The following ACYP2 variants were observed in gnomAD, a reference collection of about 807,000 sequenced individuals.
ACYP2 encodes acylphosphatase 2.
A neutral mutation model predicts 11.2 loss-of-function variants in ACYP2; 12 were observed. The ratio of observed to expected loss-of-function variants is 1.08; its 90% CI spans 0.69 to 1.74. The LOEUF is 1.74. ACYP2 is among the 40% of genes most tolerant of loss of function. ACYP2 has a pLI of 0.00. For synonymous variants in ACYP2, 43 were observed against 32.2 expected, an observed-to-expected ratio of 1.33 and a Z score of -1.13; for missense variants, 134 against 101.9, an observed-to-expected ratio of 1.31 and a Z score of -1.35.
chr2:54,178,828 C>G (rs1258452314), intron 6 of ACYP2, among the ~76,000 whole-genome samples: 1 of 152,188 alleles, frequency 6.6e-6, no homozygotes, highest in Non-Finnish European at 1.5e-5. Flanking sequence ...TAACCATGAA[C>G]TTTTCAGTTC....
intron 4 of ACYP2, among the ~76,000 whole-genome samples, chr2:54,058,666 A>C (rs183644320): frequency 6.9e-4 from 105 of 151,872 alleles, no homozygotes; most frequent in Middle Eastern, 6.9e-3. Flanking sequence ...CAGTTAAGAC[A>C]GGTTTACTTT....
intron 6 of ACYP2, among the ~76,000 whole-genome samples, chr2:54,288,890 G>A (rs1689190509): frequency 6.6e-6 from 1 of 151,948 alleles, no homozygotes; most frequent in African/African-American, 2.4e-5. Context: ...CCCAATCTCA[G>A]GGAGTCCAGT....
Position 54,290,104 on chromosome 2 carries a change from G to C in ACYP2, c.405-14584G>C, listed in dbSNP as rs376200062. ...AATTGCATCAGGCTGTCAGGGCTTC[G>C]CTTTATGAATTTCCCTTTGAGGACT... On this transcript the variant is annotated intron_variant, in intron 6 of 6. Transcript: ENST00000607452. 9.9e-5 allele frequency among the ~76,000 whole-genome samples: 15 copies of C among 152,116 alleles called. No homozygotes were observed. In the East Asian group the frequency reaches 1.9e-3, roughly 20 times the overall value.
intron 4 of ACYP2, among the ~76,000 whole-genome samples, chr2:54,081,641 C>T (rs140305709): frequency 4.2e-4 from 64 of 152,322 alleles, no homozygotes; most frequent in Non-Finnish European, 8.5e-4. Context: ...ACATTTCCAA[C>T]GTTAAGGCTA....
Position 54,215,832 on chromosome 2 carries a change from T to C in ACYP2, c.404+77084T>C, listed in dbSNP as rs186255014. On this transcript the variant is annotated intron_variant, in intron 6 of 6. Coordinates refer to ENST00000607452, the MANE Select transcript of ACYP2 (RefSeq NM_001320586.2). Reference sequence around the variant, plus strand: ...AATAAATAAATGTATTTAATAAAGCTTATACTGATGAAAATTAGGTCATTT... The same window carrying C: ...AATAAATAAATGTATTTAATAAAGCCTATACTGATGAAAATTAGGTCATTT... Among the ~76,000 whole-genome samples, 7 of 152,284 alleles carry C rather than the reference T, an allele frequency of 4.6e-5. No individual in the cohort carries two copies. The East Asian group carries it at 1.3e-3, about 29-fold the overall frequency.
intron 6 of ACYP2, among the ~76,000 whole-genome samples, chr2:54,266,463 C>A (rs1319615429): frequency 1.3e-5 from 2 of 151,890 alleles, no homozygotes; most frequent in African/African-American, 4.8e-5. Flanking sequence ...CTTATCACAA[C>A]ACCCTATAAA....
intron 2 of ACYP2, among the ~76,000 whole-genome samples, chr2:54,013,501 T>A (rs1253988998): frequency 6.6e-6 from 1 of 151,916 alleles, no homozygotes. Flanking sequence ...GGTTTCATCA[T>A]GTTGGCCAGG....
At chr2:54,296,111 T>A (rs1012246601) in intron 6 of ACYP2, among the ~76,000 whole-genome samples, 11 of 152,140 alleles carry the variant, frequency 7.2e-5, no homozygotes, top group African/African-American at 2.7e-4. Flanking sequence ...AGGCATATAA[T>A]AAACACATAG....
chr2:54,235,883 G>T (rs972110145), intron 6 of ACYP2, among the ~76,000 whole-genome samples: 1 of 152,128 alleles, frequency 6.6e-6, no homozygotes, highest in African/African-American at 2.4e-5. Flanking sequence ...GCTCTGTAGT[G>T]ACGTTTCCTC....
intron 6 of ACYP2, among the ~76,000 whole-genome samples, chr2:54,200,537 T>A (rs1684711170): frequency 6.6e-6 from 1 of 152,222 alleles, no homozygotes; most frequent in African/African-American, 2.4e-5. Context: ...GGTGTCTGGC[T>A]TCTTTCACTG....
chr2:54,248,154 A>C (rs970225764), intron 6 of ACYP2, among the ~76,000 whole-genome samples: 7 of 152,212 alleles, frequency 4.6e-5, no homozygotes, highest in Non-Finnish European at 8.8e-5. Flanking sequence ...CTCCTTTCTG[A>C]GAATTAGAAC....
chr2:54,124,920 G>A (rs929536459), intron 4 of ACYP2, among the ~76,000 whole-genome samples: 1 of 151,958 alleles, frequency 6.6e-6, no homozygotes, highest in Non-Finnish European at 1.5e-5. Context: ...GCTACGTTTT[G>A]TATTCATATT....
intron 2 of ACYP2, among the ~76,000 whole-genome samples, chr2:54,013,460 C>A (rs1358937995): frequency 6.6e-6 from 1 of 151,692 alleles, no homozygotes; most frequent in Non-Finnish European, 1.5e-5. Context: ...ACTACCATGC[C>A]CAGCTAATTT....
intron 2 of ACYP2, among the ~76,000 whole-genome samples, chr2:53,986,462 G>T (rs1352254670): frequency 4.6e-5 from 7 of 151,520 alleles, no homozygotes; most frequent in African/African-American, 1.7e-4. Flanking sequence ...TCAGTCTCCT[G>T]AGTAGCTGGG....
intron 4 of ACYP2, among the ~76,000 whole-genome samples, chr2:54,125,056 A>G (rs1210854122): frequency 1.3e-5 from 2 of 152,142 alleles, no homozygotes; most frequent in Admixed American, 6.5e-5. Flanking sequence ...CCCTGCCCCA[A>G]ATGCTTTTAA....
intron 6 of ACYP2, among the ~76,000 whole-genome samples, chr2:54,300,627 C>G (rs1055376844): frequency 1.3e-5 from 2 of 152,192 alleles, no homozygotes; most frequent in African/African-American, 2.4e-5. Context: ...TTCCTTTCCT[C>G]GCTTTCCACA....
intron 6 of ACYP2, among the ~76,000 whole-genome samples, chr2:54,293,071 AT>A (rs1199467121): frequency 1.3e-5 from 2 of 152,166 alleles, no homozygotes; most frequent in Non-Finnish European, 2.9e-5. Flanking sequence ...TTTACAGATT[AT>A]TTTATTTAAT....
At chr2:54,277,399 G>C (rs1390669109) in intron 6 of ACYP2, among the ~76,000 whole-genome samples, 6 of 152,130 alleles carry the variant, frequency 3.9e-5, no homozygotes, top group Non-Finnish European at 7.4e-5. Flanking sequence ...AGTAAAATGG[G>C]CCGGGTGCAG....
intron 6 of ACYP2, among the ~76,000 whole-genome samples, chr2:54,288,717 A>G (rs1248412738): frequency 6.6e-6 from 1 of 152,040 alleles, no homozygotes; most frequent in Non-Finnish European, 1.5e-5. Context: ...AACTCCACCG[A>G]TGTAACGGTG....
Sources: allele counts gnomAD v4.1 joint callset (sites outside exome capture counted in the v4.1 genomes callset), GRCh38; gene constraint gnomAD v4.1.1; transcripts MANE v1.5; gene names NCBI Gene and HGNC (gene_info 2026-07-23, HGNC 2026-07-21).